FRMD3: variants seen among roughly 807,000 people sequenced by gnomAD.
FRMD3 encodes FERM domain-containing protein 3.
Under a neutral mutation model 70.2 loss-of-function variants are expected in FRMD3, and 33 were observed. The observed-to-expected ratio is 0.47, with a 90% CI of 0.36 to 0.63. The LOEUF (loss-of-function observed/expected upper bound fraction) is 0.63, where lower values mean the gene tolerates loss of function less well. Among genes scored for constraint, FRMD3 ranks in the 20% least tolerant of loss-of-function variants. The pLI, the probability that FRMD3 is intolerant of heterozygous loss-of-function variation, is 0.00. For synonymous variants in FRMD3, 279 were observed against 255.9 expected, an observed-to-expected ratio of 1.09 and a Z score of -0.86; for missense variants, 632 against 711.4, an observed-to-expected ratio of 0.89 and a Z score of 1.27.
intron 1 of FRMD3, among the ~76,000 whole-genome samples, chr9:83,526,873 GCTT>G (rs1001767136): frequency 6.7e-6 from 1 of 150,004 alleles, no homozygotes; most frequent in African/African-American, 2.4e-5. Context: ...TTTAGAATAA[GCTT>G]CTTTTTTTTT....
chr9:83,293,512 G>A (rs908972534), intron 12 of FRMD3, among the ~76,000 whole-genome samples: 10 of 152,140 alleles, frequency 6.6e-5, no homozygotes, highest in African/African-American at 2.4e-4. Flanking sequence ...GAGCCTTTAT[G>A]AGCTTATTTT....
At chr9:83,322,437 C>T (rs1048691336) in intron 6 of FRMD3, among the ~76,000 whole-genome samples, 1 of 152,166 alleles carries the variant, frequency 6.6e-6, no homozygotes, top group African/African-American at 2.4e-5. Context: ...CAGCTCACAA[C>T]AAGGCAGTAG....
chr9:83,431,375 C>T (rs1826971427), intron 1 of FRMD3, among the ~76,000 whole-genome samples: 1 of 152,186 alleles, frequency 6.6e-6, no homozygotes, highest in African/African-American at 2.4e-5. Context: ...GTTAGAATGA[C>T]TTGTTATGCC....
At position 83,244,888 on chromosome 9, in the gene FRMD3, C is replaced by G. The variant is rs959416254; in HGVS notation, c.*3030G>C. 7.3e-6 allele frequency: 7 copies of G among 959,410 alleles called. No homozygotes were observed. Among genetic ancestry groups the G allele is most frequent in the African/African-American group, 2.8e-5 (1 of 35,386 alleles). The allele number at this position is 959,410 out of a possible 1,614,324, so 59.4% of individuals were successfully genotyped here. On this transcript the variant is annotated 3_prime_UTR_variant, in exon 14 of 14. Coordinates refer to ENST00000304195, the MANE Select transcript of FRMD3 (RefSeq NM_174938.6). ...TTTTTCAAGCACAGACAAATACATACTTTACTTTACCTACATTGTTTTCAT... is the reference window on the plus strand; with the variant it reads ...TTTTTCAAGCACAGACAAATACATAGTTTACTTTACCTACATTGTTTTCAT...
chr9:83,282,411 G>T (rs776773139), intron 13 of FRMD3, among the ~76,000 whole-genome samples: 21 of 152,150 alleles, frequency 1.4e-4, no homozygotes, highest in Non-Finnish European at 2.8e-4. Context: ...CCCGCCACAG[G>T]CTATATATTG....
chr9:83,355,777 A>G (rs1237711216), intron 3 of FRMD3, among the ~76,000 whole-genome samples: 1 of 152,230 alleles, frequency 6.6e-6, no homozygotes, highest in East Asian at 1.9e-4. Context: ...ATTGAATTCA[A>G]CTCAACAGCT....
At chr9:83,280,658 T>G (rs1024729117) in intron 13 of FRMD3, among the ~76,000 whole-genome samples, 6 of 152,338 alleles carry the variant, frequency 3.9e-5, no homozygotes, top group Non-Finnish European at 7.3e-5. Context: ...AATCTTCTTT[T>G]GGGGAAAAAA....
the FRMD3 span, among the ~76,000 whole-genome samples, chr9:83,582,667 T>C: frequency 6.6e-6 from 1 of 152,202 alleles, no homozygotes; most frequent in Non-Finnish European, 1.5e-5. Context: ...ACTCACTTTG[T>C]ATGTCCTTGG....
chr9:83,528,296 G>GACACACACACAC (rs35727605), intron 1 of FRMD3, among the ~76,000 whole-genome samples: 1 of 149,216 alleles, frequency 6.7e-6, no homozygotes, highest in African/African-American at 2.5e-5. Context: ...TATAAACGCA[G>GACACACACACAC]ACACACACAC....
intron 1 of FRMD3, among the ~76,000 whole-genome samples, chr9:83,501,611 A>G (rs1829070691): frequency 6.6e-6 from 1 of 152,232 alleles, no homozygotes; most frequent in South Asian, 2.1e-4. Flanking sequence ...TACATTATAC[A>G]AAACTATGCA....
At chr9:83,389,831 G>T (rs573728218) in intron 1 of FRMD3, 123 bp from the exon 2 acceptor site, 1 of 650,294 alleles carries the variant, frequency 1.5e-6, no homozygotes, top group Non-Finnish European at 2.7e-6. Context: ...TCCAGTCCCT[G>T]AAGAAGGGGC....
At chr9:83,455,312 C>T (rs574681891) in intron 1 of FRMD3, among the ~76,000 whole-genome samples, 7 of 152,062 alleles carry the variant, frequency 4.6e-5, no homozygotes, top group Non-Finnish European at 1.0e-4. Context: ...GGCTGTGTCC[C>T]CTCCCAAATC....
chr9:83,536,658 T>C (rs903704748), intron 1 of FRMD3, among the ~76,000 whole-genome samples: 1 of 151,950 alleles, frequency 6.6e-6, no homozygotes, highest in African/African-American at 2.4e-5. Context: ...AAATTCAAGC[T>C]CCCCCAGAAA....
chr9:83,313,599 G>T, intron 7 of FRMD3, 61 bp downstream of exon 7: 3 of 1,357,950 alleles, frequency 2.2e-6, no homozygotes, highest in Non-Finnish European at 3.2e-6. Context: ...CCTGCGCACA[G>T]ATAAACTCTC....
At chr9:83,249,366 A>G (rs1832294662) in intron 13 of FRMD3, among the ~76,000 whole-genome samples, 1 of 152,188 alleles carries the variant, frequency 6.6e-6, no homozygotes, top group Non-Finnish European at 1.5e-5. Flanking sequence ...CGAGTTACCT[A>G]TGGTCAGACC....
intron 3 of FRMD3, among the ~76,000 whole-genome samples, chr9:83,363,675 C>T (rs1329738654): frequency 1.3e-5 from 2 of 151,824 alleles, no homozygotes; most frequent in South Asian, 2.1e-4. Flanking sequence ...CTGCCTCAGC[C>T]TCCTGAGTAG....
intron 1 of FRMD3, among the ~76,000 whole-genome samples, chr9:83,395,463 T>C (rs115560880): frequency 0.12 from 17,985 of 152,070 alleles, 1,145 homozygotes; most frequent in Non-Finnish European, 0.14. Flanking sequence ...AGTAATTTTT[T>C]CTGATCCTCT....
intron 1 of FRMD3, among the ~76,000 whole-genome samples, chr9:83,532,729 C>A (rs1829814639): frequency 6.6e-6 from 1 of 152,148 alleles, no homozygotes; most frequent in South Asian, 2.1e-4. Flanking sequence ...TTCCTAGACA[C>A]TTTTACAGCT....
intron 1 of FRMD3, among the ~76,000 whole-genome samples, chr9:83,418,490 G>A (rs560367548): frequency 8.5e-5 from 13 of 152,124 alleles, no homozygotes; most frequent in Non-Finnish European, 1.9e-4. Context: ...TTGTTCAAAA[G>A]AAGATATGCA....
Sources: allele counts gnomAD v4.1 joint callset (sites outside exome capture counted in the v4.1 genomes callset), GRCh38; gene constraint gnomAD v4.1.1; transcripts MANE v1.5; gene names NCBI Gene and HGNC (gene_info 2026-07-23, HGNC 2026-07-21).